Variants in GTF2IRD1 observed in about 807,000 individuals in gnomAD.
GTF2IRD1 encodes the protein GTF2I repeat domain containing 1, also known as general transcription factor II-I repeat domain-containing protein 1.
In GTF2IRD1, 26 loss-of-function variants were observed where a neutral mutation model predicts 113.2. The ratio of observed to expected loss-of-function variants is 0.23; its 90% CI spans 0.17 to 0.32. The LOEUF is 0.32. Ranked by LOEUF, GTF2IRD1 falls within the 10% of genes least tolerant of loss-of-function variation. The pLI is 1.00. For missense variants in GTF2IRD1, 864 were observed against 1,280.8 expected (o/e 0.67, Z 4.97); for synonymous variants, 484 against 529.1 (o/e 0.91, Z 1.17).
intron 1 of GTF2IRD1, among the ~76,000 whole-genome samples, chr7:74,499,947 C>T (rs1562806060): frequency 6.6e-6 from 1 of 152,120 alleles, no homozygotes; most frequent in African/African-American, 2.4e-5. Context: ...TGAATACACA[C>T]AAAGGAATGA....
intron 17 of GTF2IRD1, among the ~76,000 whole-genome samples, chr7:74,553,344 G>T (rs1372295052): frequency 2.0e-5 from 3 of 152,090 alleles, no homozygotes; most frequent in Non-Finnish European, 4.4e-5. Flanking sequence ...AGGCTGGAGT[G>T]TAGTGGCACA....
At position 74,555,008 on chromosome 7, in the gene GTF2IRD1, GC is replaced by G. The variant is rs1289707773; in HGVS notation, c.1917-160del. On this transcript the variant is annotated intron_variant, in intron 17 of 26. Transcript: ENST00000424337. The surrounding 1 kb of genome is among the most constrained non-coding windows in gnomAD (Gnocchi z 5.3). ...AGCTGGATCCTTCAAGCCCAGCGCA[GC>G]CCCCCAGATTCCACATGTGGGGCGG... is the stretch of plus-strand genomic sequence containing the variant. 6.6e-6 allele frequency among the ~76,000 whole-genome samples: 1 copy of G among 152,090 alleles called. No individual in the cohort carries two copies. Among genetic ancestry groups the G allele is most frequent in the Non-Finnish European group, 1.5e-5 (1 of 68,024 alleles).
At chr7:74,496,852 CT>C (rs1413964590) in intron 1 of GTF2IRD1, among the ~76,000 whole-genome samples, 2 of 152,070 alleles carry the variant, frequency 1.3e-5, no homozygotes, top group Non-Finnish European at 2.9e-5. Flanking sequence ...CTCTTCCCCC[CT>C]CCCCCCATTT....
At chr7:74,466,405 C>G (rs1276389499) in intron 1 of GTF2IRD1, among the ~76,000 whole-genome samples, 1 of 152,140 alleles carries the variant, frequency 6.6e-6, no homozygotes, top group Non-Finnish European at 1.5e-5. Flanking sequence ...CTGATGGCCT[C>G]ACTCCCAGGC....
At chr7:74,560,045 C>T (rs1383052216) in intron 22 of GTF2IRD1, among the ~76,000 whole-genome samples, 8 of 152,142 alleles carry the variant, frequency 5.3e-5, no homozygotes, top group Non-Finnish European at 8.8e-5. Flanking sequence ...CCTCCCAAAG[C>T]GTTGGGATTA....
intron 16 of GTF2IRD1, 131 bp downstream of exon 16, chr7:74,545,940 A>G: frequency 1.4e-6 from 1 of 725,464 alleles, no homozygotes; most frequent in Non-Finnish European, 2.5e-6. Flanking sequence ...GACAAGGGAG[A>G]GAGGGAAGGG....
At chr7:74,459,766 C>T (rs78329697) in intron 1 of GTF2IRD1, among the ~76,000 whole-genome samples, 1,559 of 152,268 alleles carry the variant, frequency 0.01, 23 homozygotes, top group African/African-American at 0.034. Flanking sequence ...TGTTGTTGAT[C>T]TGTAGTTCAG....
chr7:74,533,776 G>C (rs1393691513), intron 9 of GTF2IRD1, among the ~76,000 whole-genome samples: 1 of 152,146 alleles, frequency 6.6e-6, no homozygotes, highest in Non-Finnish European at 1.5e-5. Context: ...GCTCTTGTCT[G>C]TAATCCCAGC....
Position 74,558,995 on chromosome 7 carries a change from C to T in GTF2IRD1, c.2242C>T (p.Leu748=), listed in dbSNP as rs781896884. 3.7e-6 allele frequency: 6 copies of T among 1,614,020 alleles called. No individual in the cohort carries two copies. The African/African-American group carries it at 8.0e-5, about 22-fold the overall frequency. Residue 748 remains leucine (L), a synonymous_variant, in exon 21 of 27, where the codon CTG becomes TTG. Transcript: ENST00000424337. ...RKPCTFGSQN[L]ERILAVADKI... is the part of the protein sequence containing the mutation. ...GCCCTGTACCTTCGGCTCCCAGAACCTGGAGAGGATTCTTGCTGTGGCTGA... is the reference window on the plus strand; with the variant it reads ...GCCCTGTACCTTCGGCTCCCAGAACTTGGAGAGGATTCTTGCTGTGGCTGA...
At chr7:74,514,687 G>A (rs587612345) in intron 3 of GTF2IRD1, among the ~76,000 whole-genome samples, 1 of 151,994 alleles carries the variant, frequency 6.6e-6, no homozygotes, top group African/African-American at 2.4e-5. Flanking sequence ...GCAGGGGTTG[G>A]GGGGTGCCTC....
chr7:74,586,436 C>T (rs1255909751), intron 22 of GTF2IRD1, among the ~76,000 whole-genome samples: 7 of 152,160 alleles, frequency 4.6e-5, no homozygotes, highest in Admixed American at 6.6e-5. Flanking sequence ...GGGAGGAGGA[C>T]GTTGTCTGGA....
intron 22 of GTF2IRD1, 39 bp downstream of exon 22, chr7:74,559,694 G>A (rs373272922): frequency 1.1e-5 from 17 of 1,546,964 alleles, no homozygotes; most frequent in East Asian, 2.3e-5. Context: ...CTGGGAATAG[G>A]GCCCGATCGT....
intron 22 of GTF2IRD1, among the ~76,000 whole-genome samples, chr7:74,567,532 T>G (rs1800396307): frequency 1.3e-5 from 2 of 151,168 alleles, no homozygotes; most frequent in Non-Finnish European, 2.9e-5. Context: ...GGGACCAGAG[T>G]GGAATAGTGG....
At chr7:74,537,627 AG>A (rs1798377852) in intron 11 of GTF2IRD1, among the ~76,000 whole-genome samples, 1 of 152,080 alleles carries the variant, frequency 6.6e-6, no homozygotes, top group Admixed American at 6.6e-5. Context: ...TCTTAGGGGC[AG>A]GGGTGGGCCG....
At chr7:74,591,885 G>T (rs587684216) in intron 24 of GTF2IRD1, among the ~76,000 whole-genome samples, 1 of 150,236 alleles carries the variant, frequency 6.7e-6, no homozygotes, top group East Asian at 1.9e-4. Context: ...CTCCCAAAGT[G>T]CTGAGGTTAC....
intron 1 of GTF2IRD1, among the ~76,000 whole-genome samples, chr7:74,480,805 T>G (rs1388313990): frequency 6.6e-6 from 1 of 152,150 alleles, no homozygotes; most frequent in Non-Finnish European, 1.5e-5. Flanking sequence ...AAACCTGAGT[T>G]TGGGGGCTCT....
At chr7:74,577,213 AT>A (rs782818700) in intron 22 of GTF2IRD1, among the ~76,000 whole-genome samples, 48 of 151,910 alleles carry the variant, frequency 3.2e-4, no homozygotes, top group Admixed American at 2.6e-4. Flanking sequence ...AATTTTTTGT[AT>A]TTTTAGTAGA....
intron 1 of GTF2IRD1, among the ~76,000 whole-genome samples, chr7:74,454,406 GGCCGGGA>G (rs1792818487): frequency 6.6e-6 from 1 of 151,928 alleles, no homozygotes. Flanking sequence ...GCCCGGGAGG[GGCCGGGA>G]GCTGGGAGCT....
chr7:74,522,502 C>A (rs1554346220), intron 7 of GTF2IRD1, among the ~76,000 whole-genome samples: 2 of 152,174 alleles, frequency 1.3e-5, no homozygotes. Context: ...AAGTTCTAGA[C>A]CAGCCTGGGC....
Sources: allele counts gnomAD v4.1 joint callset (sites outside exome capture counted in the v4.1 genomes callset), GRCh38; gene constraint gnomAD v4.1.1; non-coding constraint Gnocchi (gnomAD v3.1); transcripts MANE v1.5; gene names NCBI Gene and HGNC (gene_info 2026-07-23, HGNC 2026-07-21).